DAOA: variants seen among roughly 807,000 people sequenced by gnomAD.
The protein encoded by DAOA is D-amino acid oxidase regulator.
DAOA carries 15 observed loss-of-function variants against 16.4 expected under a neutral mutation model. The observed-to-expected ratio is 0.91, with a 90% CI of 0.61 to 1.41. The LOEUF (loss-of-function observed/expected upper bound fraction) is 1.41, where lower values mean the gene tolerates loss of function less well. Among genes scored for constraint, DAOA ranks in the 40% most tolerant of loss-of-function variants. The probability of loss-of-function intolerance (pLI) is 0.00; values close to 1 mark genes in which losing one functional copy is unlikely to be tolerated. For missense variants in DAOA, 230 were observed against 176.8 expected, an observed-to-expected ratio of 1.30 and a Z score of -1.71; for synonymous variants, 75 against 59.1, an observed-to-expected ratio of 1.27 and a Z score of -1.23.
chr13:105,469,518 G>A (rs556683487), intron 3 of DAOA, among the ~76,000 whole-genome samples: 140 of 152,228 alleles, frequency 9.2e-4, no homozygotes, highest in African/African-American at 3.3e-3. Context: ...TAGATGAAGG[G>A]GATATATATT....
chr13:105,467,578 T>G (rs1422215069), intron 3 of DAOA: 1 of 131,488 alleles, frequency 7.6e-6, no homozygotes, highest in Admixed American at 7.8e-5. Flanking sequence ...CGTTTAATTC[T>G]TTTTCTTTTT....
chr13:105,476,840 GGTGTC>G (rs1408020312), intron 4 of DAOA, among the ~76,000 whole-genome samples: 6 of 151,918 alleles, frequency 3.9e-5, no homozygotes, highest in African/African-American at 1.5e-4. Flanking sequence ...CCCATTGATT[GGTGTC>G]AAGCACAGTT....
chr13:105,481,997 A>T (rs914943005), intron 4 of DAOA, among the ~76,000 whole-genome samples: 2 of 152,202 alleles, frequency 1.3e-5, no homozygotes, highest in Admixed American at 1.3e-4. Flanking sequence ...CAGAAGATGA[A>T]GGAAGAGCAA....
intron 5 of DAOA, 131 bp downstream of exon 5, chr13:105,490,323 C>T: frequency 3.3e-6 from 1 of 299,726 alleles, no homozygotes; most frequent in Non-Finnish European, 5.1e-6. Context: ...ATCCTCTCCT[C>T]TTGTTTGGTA....
chr13:105,478,795 G>A (rs1877515603), intron 4 of DAOA, among the ~76,000 whole-genome samples: 1 of 152,140 alleles, frequency 6.6e-6, no homozygotes, highest in South Asian at 2.1e-4. Flanking sequence ...TTCCCTGACA[G>A]TAGGACTTTG....
intron 4 of DAOA, among the ~76,000 whole-genome samples, chr13:105,479,089 T>C (rs1396978412): frequency 6.6e-6 from 1 of 152,198 alleles, no homozygotes; most frequent in East Asian, 1.9e-4. Context: ...TTTATCTTTA[T>C]CTCTTTATCT....
In DAOA at chr13:105,467,094, A is replaced by C. The variant is rs1177364978; in HGVS notation, c.86A>C (p.Gln29Pro). The C allele has an allele frequency of 6.2e-7, 1 of 1,611,888 alleles. No homozygotes were observed. The highest frequency in any genetic ancestry group is 8.5e-7 in the Non-Finnish European group (1 of 1,178,776). ...GGTAAAATCTACTTCATAGGTTTTC[A>C]AAGGAGCATTCTTCTGAGCAAATCT... ...TLGKIYFIGFQRSILLSKSEN... is the reference protein window; with the variant it reads ...TLGKIYFIGFPRSILLSKSEN... The change falls in exon 3 of 6, where the codon CAA (glutamine) becomes CCA (proline). Residue 29 changes from glutamine (Q) to proline (P), a missense_variant. By Grantham distance (76) the Gln-to-Pro change is moderately conservative. Coordinates refer to ENST00000375936, the MANE Select transcript of DAOA (RefSeq NM_172370.5).
At chr13:105,480,502 A>AGATG (rs1402700776) in intron 4 of DAOA, among the ~76,000 whole-genome samples, 4 of 149,588 alleles carry the variant, frequency 2.7e-5, no homozygotes, top group South Asian at 2.1e-4. Flanking sequence ...ATAGATACAT[A>AGATG]GATGGATGGA....
At chr13:105,480,985 C>T (rs1271600108) in intron 4 of DAOA, among the ~76,000 whole-genome samples, 1 of 152,146 alleles carries the variant, frequency 6.6e-6, no homozygotes, top group African/African-American at 2.4e-5. Flanking sequence ...GATGCTTTAC[C>T]AGTTCTCTGG....
intron 4 of DAOA, among the ~76,000 whole-genome samples, chr13:105,474,763 G>A (rs1404448041): frequency 6.6e-6 from 1 of 152,128 alleles, no homozygotes; most frequent in Admixed American, 6.5e-5. Flanking sequence ...AAGAGAGGAA[G>A]TTGGAGAAAA....
At chr13:105,490,705 G>A (rs931767068) in intron 5 of DAOA, 1 of 151,510 alleles carries the variant, frequency 6.6e-6, no homozygotes, top group African/African-American at 2.4e-5. Flanking sequence ...ATGTCCTAAG[G>A]TTATTAACAA....
intron 3 of DAOA, among the ~76,000 whole-genome samples, chr13:105,470,116 ATTT>A (rs33937275): frequency 7.0e-6 from 1 of 142,268 alleles, no homozygotes; most frequent in Middle Eastern, 3.6e-3. Context: ...GCTCATTGGA[ATTT>A]TTTTTTTTTT....
intron 4 of DAOA, among the ~76,000 whole-genome samples, chr13:105,477,409 G>A (rs916306434): frequency 7.2e-5 from 11 of 152,170 alleles, no homozygotes; most frequent in Non-Finnish European, 1.5e-4. Flanking sequence ...ACAAATGCCA[G>A]TCACATAAAA....
At chr13:105,467,470 G>A (rs765213322) in intron 3 of DAOA, 1 of 170,484 alleles carries the variant, frequency 5.9e-6, no homozygotes, top group Non-Finnish European at 1.2e-5. Context: ...TAAGGCAGTA[G>A]TTCTGCTTTC....
chr13:105,470,821 C>T (rs1270108502), intron 3 of DAOA, among the ~76,000 whole-genome samples: 2 of 148,822 alleles, frequency 1.3e-5, no homozygotes, highest in African/African-American at 2.5e-5. Flanking sequence ...GATGGAGTCA[C>T]GCTCTGTGGC....
intron 4 of DAOA, among the ~76,000 whole-genome samples, chr13:105,474,603 T>C (rs949937655): frequency 3.9e-5 from 6 of 152,128 alleles, no homozygotes; most frequent in Admixed American, 3.3e-4. Context: ...GGGGATTGAC[T>C]GACTAAAGCC....
chr13:105,489,886 CG>C lies in DAOA; in HGVS notation c.282-13del, dbSNP rs1566386498. ...TTCACAAGACCTGGCCAACTGAGAC[CG>C]GATCTCCTTACAGGCTTGAAGAAGT... On this transcript the variant is annotated splice_polypyrimidine_tract_variant and intron_variant, in intron 4 of 5. Transcript: ENST00000375936. The C allele has an allele frequency of 6.2e-7, 1 of 1,613,446 alleles. No individual in the cohort carries two copies. Among genetic ancestry groups the C allele is most frequent in the South Asian group, 1.1e-5 (1 of 91,048 alleles).
intron 4 of DAOA, chr13:105,477,042 C>G (rs1877389053): frequency 6.6e-6 from 1 of 152,222 alleles, no homozygotes; most frequent in Non-Finnish European, 1.5e-5. Flanking sequence ...AACAACGTCA[C>G]TCTTCTCTTA....
chr13:105,483,474 C>T (rs1212977002), intron 4 of DAOA, among the ~76,000 whole-genome samples: 1 of 152,154 alleles, frequency 6.6e-6, no homozygotes, highest in Admixed American at 6.5e-5. Context: ...TTCCTACAGA[C>T]AGGATATGAG....
Sources: allele counts gnomAD v4.1 joint callset (sites outside exome capture counted in the v4.1 genomes callset), GRCh38; gene constraint gnomAD v4.1.1; transcripts MANE v1.5; gene names NCBI Gene and HGNC (gene_info 2026-07-23, HGNC 2026-07-21).